The following MED12L variants were observed in gnomAD, a reference collection of about 807,000 sequenced individuals.
MED12L encodes mediator of RNA polymerase II transcription subunit 12-like protein.
MED12L carries 60 observed loss-of-function variants against 281.3 expected under a neutral mutation model. The ratio of observed to expected loss-of-function variants is 0.21; its 90% CI spans 0.17 to 0.26. MED12L has a LOEUF of 0.26. MED12L is among the 10% of genes least tolerant of loss of function. The pLI, the probability that MED12L is intolerant of heterozygous loss-of-function variation, is 1.00. For missense variants in MED12L, 2,146 were observed against 2,680.9 expected, an observed-to-expected ratio of 0.80 and a Z score of 4.41; for synonymous variants, 974 against 987.2, an observed-to-expected ratio of 0.99 and a Z score of 0.25.
rs573624854 is a variant in MED12L at position 151,213,141 on chromosome 3, A to C, written c.2250+19475A>C. The C allele has an allele frequency of 6.8e-5, 39 of 571,254 alleles. 1 individual carries two copies. In the African/African-American group the frequency reaches 6.9e-4, roughly 10 times the overall value. 35.4% of individuals were successfully genotyped at this position (571,254 alleles called of 1,614,324 possible). A position where few individuals can be genotyped will look rare whatever the true frequency, so the allele number is the denominator to read the frequency against. ...TGGGTATGTTTTCTTTGATGTTACA[A>C]AAAAGCATGGAAACTTATATTTGAA... On this transcript the variant is annotated intron_variant, in intron 16 of 44. Coordinates refer to ENST00000687756, the MANE Select transcript of MED12L (RefSeq NM_001393769.1).
chr3:151,185,179 TA>T, intron 11 of MED12L, 150 bp from the exon 12 acceptor site: 1 of 633,002 alleles, frequency 1.6e-6, no homozygotes, highest in Non-Finnish European at 2.6e-6. Flanking sequence ...GTATTTCAAT[TA>T]AAAATGTTTT....
At chr3:151,282,707 T>A (rs1374022847) in intron 16 of MED12L, among the ~76,000 whole-genome samples, 3 of 152,208 alleles carry the variant, frequency 2.0e-5, no homozygotes, top group East Asian at 3.8e-4. Flanking sequence ...AGGTTTAATG[T>A]TAGGAAAGCC....
At chr3:151,213,212 G>A (rs1024003969) in intron 16 of MED12L, 1 of 994,914 alleles carries the variant, frequency 1.0e-6, no homozygotes, top group South Asian at 1.7e-5. Flanking sequence ...TGATATTTAT[G>A]ATGAGGGCAC....
chr3:151,163,787 TAGG>T, intron 8 of MED12L, 103 bp from the exon 9 acceptor site: 1 of 1,121,092 alleles, frequency 8.9e-7, no homozygotes, highest in Non-Finnish European at 1.3e-6. Flanking sequence ...AACTTACTAG[TAGG>T]AGACAATAAT....
At position 151,376,974 on chromosome 3, in the gene MED12L, C is replaced by G; in HGVS notation, c.4129-17C>G. ...AGGAATACACATATGTGCCAGTATT[C>G]TTATATCTAACTCTAGGGCTCTGGT... On this transcript the variant is annotated splice_polypyrimidine_tract_variant and intron_variant, in intron 29 of 44. Transcript: ENST00000687756. 4 of 1,612,800 alleles carry G rather than the reference C, an allele frequency of 2.5e-6. No individual in the cohort carries two copies. Among genetic ancestry groups the G allele is most frequent in the Non-Finnish European group, 3.4e-6 (4 of 1,179,310 alleles).
In MED12L at chr3:151,193,572, T is replaced by C; in HGVS notation, c.2156T>C (p.Leu719Ser). 6.2e-7 allele frequency: 1 copy of C among 1,614,064 alleles called. No individual in the cohort carries two copies. Among genetic ancestry groups the C allele is most frequent in the Non-Finnish European group, 8.5e-7 (1 of 1,179,942 alleles). Reference sequence around the variant, plus strand: ...AGAATGTCAGTTAATTGTGAGAAGTTGGTGAAGAGGGAAAAGCCAAGGGAA... The same window carrying C: ...AGAATGTCAGTTAATTGTGAGAAGTCGGTGAAGAGGGAAAAGCCAAGGGAA... ...GRRMSVNCEK[L>S]VKREKPRELI... Residue 719 changes from leucine to serine, a missense_variant, in exon 16 of 45, where the codon TTG (leucine) becomes TCG (serine). Coordinates refer to ENST00000687756, the MANE Select transcript of MED12L (RefSeq NM_001393769.1).
Position 151,411,442 on chromosome 3 carries a change from G to A in MED12L, c.6075G>A (p.Gln2025=). The part of the protein sequence containing the change: ...VLMERLRQIQ[Q]QPSGYVQQQA... ...TGGAAAGACTCAGACAGATTCAGCA[G>A]CAGCCGAGTGGCTATGTTCAGCAGC... The change falls in exon 41 of 45, where the codon CAG becomes CAA. Residue 2025 remains glutamine (Q), a synonymous_variant. Coordinates refer to ENST00000687756, the MANE Select transcript of MED12L (RefSeq NM_001393769.1). 1 of 1,614,202 alleles carries A rather than the reference G, an allele frequency of 6.2e-7. No homozygotes were observed. The highest frequency in any genetic ancestry group is 1.1e-5 in the South Asian group (1 of 91,080).
intron 6 of MED12L, among the ~76,000 whole-genome samples, chr3:151,156,860 A>C (rs998304849): frequency 6.6e-6 from 1 of 152,130 alleles, no homozygotes; most frequent in African/African-American, 2.4e-5. Flanking sequence ...TACCTTATTC[A>C]TGGTAAGGTA....
At chr3:151,206,640 A>ATTTTTTTTTT (rs1216609130) in intron 16 of MED12L, among the ~76,000 whole-genome samples, 6 of 16,006 alleles carry the variant, frequency 3.7e-4, no homozygotes, top group African/African-American at 1.0e-3. Context: ...CTAACACATT[A>ATTTTTTTTTT]TCTTTTTTTT....
chr3:151,202,489 G>A (rs1474090451), intron 16 of MED12L, among the ~76,000 whole-genome samples: 4 of 152,160 alleles, frequency 2.6e-5, no homozygotes, highest in Admixed American at 6.5e-5. Flanking sequence ...TGGCCAACAT[G>A]GTGAAATCCT....
In MED12L at chr3:151,270,883, A is replaced by T. The variant is rs192736314; in HGVS notation, c.2250+77217A>T. On this transcript the variant is annotated intron_variant, in intron 16 of 44. Coordinates refer to ENST00000687756, the MANE Select transcript of MED12L (RefSeq NM_001393769.1). ...ATTTAGAATTCACATTCTCTGTTGT[A>T]CTTTTGTACCTGTCTATTTTAAAAT... Among the ~76,000 whole-genome samples, 212 of 152,284 alleles carry T rather than the reference A, an allele frequency of 1.4e-3. 1 individual carries two copies. Among genetic ancestry groups the T allele is most frequent in the African/African-American group, 4.9e-3 (205 of 41,572 alleles).
At chr3:151,361,232 T>C (rs55751359) in intron 21 of MED12L, among the ~76,000 whole-genome samples, 16,946 of 152,208 alleles carry the variant, frequency 0.11, 1,242 homozygotes, top group Middle Eastern at 0.17. Context: ...TGTTTACTTT[T>C]CCTCTTTTTT....
intron 16 of MED12L, chr3:151,198,433 A>G: frequency 1.2e-6 from 2 of 1,601,066 alleles, no homozygotes; most frequent in Non-Finnish European, 1.7e-6. Context: ...TCTTTTATGC[A>G]TTATTTTCAC....
At chr3:151,392,525 T>C (rs998910463) in intron 38 of MED12L, among the ~76,000 whole-genome samples, 18 of 138,048 alleles carry the variant, frequency 1.3e-4, no homozygotes, top group Non-Finnish European at 2.4e-4. Context: ...TTGAAAAAAA[T>C]TATTTTTGAG....
chr3:151,208,649 G>C (rs996799926), intron 16 of MED12L, among the ~76,000 whole-genome samples: 3 of 152,188 alleles, frequency 2.0e-5, no homozygotes, highest in Admixed American at 6.5e-5. Flanking sequence ...CTGCACTCCA[G>C]CCTGGGGGAC....
rs376561437 is a variant in MED12L, at chr3:151,218,573, A to G, written c.2250+24907A>G. On this transcript the variant is annotated intron_variant, in intron 16 of 44. Transcript: ENST00000687756. ...TTCATATATATAGCTAAACTTTTTA[A>G]AAAGGAATACTGTGGCCGGGCACGG... 1.5e-3 allele frequency among the ~76,000 whole-genome samples: 231 copies of G among 152,260 alleles called. 5 individuals are homozygous for G. The South Asian group carries it at 0.043, about 28-fold the overall frequency.
At chr3:151,331,936 C>T (rs540519673) in intron 16 of MED12L, among the ~76,000 whole-genome samples, 24 of 152,296 alleles carry the variant, frequency 1.6e-4, no homozygotes, top group Non-Finnish European at 2.8e-4. Context: ...TGGAACCTGC[C>T]TCACTCTCTT....
At chr3:151,240,889 C>T (rs1251175846) in intron 16 of MED12L, among the ~76,000 whole-genome samples, 1 of 152,184 alleles carries the variant, frequency 6.6e-6, no homozygotes, top group Non-Finnish European at 1.5e-5. Context: ...AAGTACCATG[C>T]TTGGTCTTGA....
intron 39 of MED12L, among the ~76,000 whole-genome samples, chr3:151,400,751 G>C (rs1715568342): frequency 6.6e-6 from 1 of 152,006 alleles, no homozygotes; most frequent in Admixed American, 6.5e-5. Flanking sequence ...TAAGGAAATG[G>C]TATCACCTTG....
Sources: gnomAD v4.1 joint callset for allele counts (sites outside exome capture counted in the v4.1 genomes callset) on GRCh38, gnomAD v4.1.1 for gene constraint, MANE v1.5 for transcripts, NCBI Gene and HGNC (gene_info 2026-07-23, HGNC 2026-07-21) for gene names.